ALS2: variants seen among roughly 807,000 people sequenced by gnomAD.
ALS2 encodes the protein alsin Rho guanine nucleotide exchange factor ALS2.
Under a neutral mutation model 203.4 loss-of-function variants are expected in ALS2, and 117 were observed. That is an observed-to-expected ratio of 0.58 (90% CI 0.50 to 0.67). ALS2 has a LOEUF of 0.67. ALS2 is among the 30% of genes least tolerant of loss of function. ALS2 has a pLI of 0.00. For synonymous variants in ALS2, 718 were observed against 725.9 expected (o/e 0.99, Z 0.17); for missense variants, 1,715 against 1,989.4 (o/e 0.86, Z 2.62).
chr2:201,710,020 G>A lies in ALS2; in HGVS notation c.4141C>T (p.His1381Tyr), dbSNP rs1574665478. The stretch of plus-strand genomic sequence containing the variant: ...GTCTCCACAAGCCTGCCCAGGGGGT[G>A]CAGAGGAGTGTCACAGGCCTGAGTA... ...YLIKACDTPLHPLGRLVETLV... is the reference protein window; with the variant it reads ...YLIKACDTPLYPLGRLVETLV... The change falls in exon 27 of 34, where the codon CAC becomes TAC. Residue 1381 changes from histidine (H) to tyrosine (Y), a missense_variant. Physicochemically the swap from His to Tyr is moderately conservative, Grantham distance 83 (BLOSUM62 2). This residue lies in a region of ALS2 where 1,227 missense variants were observed against 1,413.5 expected (regional missense o/e 0.87). Coordinates refer to ENST00000264276, the MANE Select transcript of ALS2 (RefSeq NM_020919.4). The A allele has an allele frequency of 6.2e-7, 1 of 1,613,908 alleles. No homozygotes were observed. The highest frequency in any genetic ancestry group is 8.5e-7 in the Non-Finnish European group (1 of 1,179,826).
rs3219156 is a variant in ALS2, at chr2:201,760,892, C to T, written c.1102G>A (p.Val368Met). Residue 368 changes from valine to methionine, a missense_variant, in exon 4 of 34, where the codon GTG (valine) becomes ATG (methionine). This residue lies in a region of ALS2 where 476 missense variants were observed against 539.3 expected (regional missense o/e 0.88). Coordinates refer to ENST00000264276, the MANE Select transcript of ALS2 (RefSeq NM_020919.4). ...REDSEHGEKP[V>M]PSQPLLEEAI... ...AATTGAGCAGGTACCTGAGATGGCACTGGCTTTTCACCATGCTCTGAGTCC... is the reference window on the plus strand; with the variant it reads ...AATTGAGCAGGTACCTGAGATGGCATTGGCTTTTCACCATGCTCTGAGTCC... The T allele has an allele frequency of 0.9, 1,454,645 of 1,612,470 alleles. 657,112 individuals carry two copies. Among genetic ancestry groups the T allele is most frequent in the East Asian group, 1 (44,827 of 44,848 alleles).
At chr2:201,750,015 A>C (rs1226186696) in intron 7 of ALS2, among the ~76,000 whole-genome samples, 1 of 152,128 alleles carries the variant, frequency 6.6e-6, no homozygotes, top group East Asian at 1.9e-4. Flanking sequence ...AGAGTCCAAA[A>C]ATTAGCTGGG....
chr2:201,771,042 ATTTT>A (rs34578117), intron 1 of ALS2, among the ~76,000 whole-genome samples: 39 of 104,414 alleles, frequency 3.7e-4, no homozygotes, highest in African/African-American at 9.2e-4. Flanking sequence ...GTATTTACAG[ATTTT>A]TTTTTTTTTT....
At position 201,735,835 on chromosome 2, in the gene ALS2, C is replaced by G. The variant is rs184007608; in HGVS notation, c.2418-2397G>C. Among the ~76,000 whole-genome samples the G allele has an allele frequency of 1.1e-3, 174 of 152,300 alleles. 2 individuals are homozygous for G. Among genetic ancestry groups the G allele is most frequent in the South Asian group, 8.7e-3 (42 of 4,826 alleles). ...TGTAGCCCTTCAGGAAGCCCAGAAGCTTTCCATTTAAACTGTCACAAGTCT... is the reference window on the plus strand; with the variant it reads ...TGTAGCCCTTCAGGAAGCCCAGAAGGTTTCCATTTAAACTGTCACAAGTCT... On this transcript the variant is annotated intron_variant, in intron 12 of 33. Coordinates refer to ENST00000264276, the MANE Select transcript of ALS2 (RefSeq NM_020919.4).
chr2:201,774,611 G>A (rs1694571759), intron 1 of ALS2, among the ~76,000 whole-genome samples: 1 of 152,130 alleles, frequency 6.6e-6, no homozygotes, highest in African/African-American at 2.4e-5. Flanking sequence ...AATCATGCAG[G>A]ATCCTATGTA....
rs145920986 is a variant in ALS2 at position 201,702,145 on chromosome 2, C to T, written c.4936-256G>A. ...TTCTAAAACAAAGTTTTTTTACAAG[C>T]TAGCTAATATTCTTCACATGCAGAG... On this transcript the variant is annotated intron_variant, in intron 33 of 33. Transcript: ENST00000264276. 6.0e-5 allele frequency among the ~76,000 whole-genome samples: 9 copies of T among 150,894 alleles called. No individual in the cohort carries two copies. The East Asian group carries it at 1.7e-3, about 29-fold the overall frequency.
rs1363189220 is a variant in ALS2 at position 201,744,245 on chromosome 2, G to A, written c.2170+13C>T. 4 of 1,611,242 alleles carry A rather than the reference G, an allele frequency of 2.5e-6. No individual in the cohort carries two copies. The highest frequency in any genetic ancestry group is 8.5e-7 in the Non-Finnish European group (1 of 1,177,608). ...GATGGTTTAATGGTGGGAGAGAGGG[G>A]GTTGCAACTTACCTAAACTGAGAAG... On this transcript the variant is annotated intron_variant, in intron 10 of 33. Coordinates refer to ENST00000264276, the MANE Select transcript of ALS2 (RefSeq NM_020919.4).
chr2:201,764,811 G>A (rs1307236584), intron 3 of ALS2, among the ~76,000 whole-genome samples: 6 of 152,092 alleles, frequency 3.9e-5, no homozygotes, highest in East Asian at 1.9e-4. Context: ...CTGGAGGTCC[G>A]TATGCAATTT....
At chr2:201,744,707 TACATAACTATACACACCTACTTTCAA>T (rs1178731066) in intron 9 of ALS2, among the ~76,000 whole-genome samples, 1 of 151,662 alleles carries the variant, frequency 6.6e-6, no homozygotes, top group African/African-American at 2.4e-5. Context: ...TCCAGATCTA[TACATAACTATACACACCTACTTTCAA>T]TTATCTCCAA....
chr2:201,749,712 C>T lies in ALS2; in HGVS notation c.1815G>A (p.Lys605=), dbSNP rs1381957437. ...GTTGCTATCAAGTTCACAAAAGTAC[C>T]TTTGCAAGACGAGGAACTGTTGTTG... ...DFPTTVPRLA[K]ISSENGVWSI... The change falls in exon 8 of 34, where the codon AAG becomes AAA. Residue 605 remains lysine (K), a splice_region_variant and synonymous_variant. Transcript: ENST00000264276. 2 of 1,613,206 alleles carry T rather than the reference C, an allele frequency of 1.2e-6. No individual in the cohort carries two copies. Among genetic ancestry groups the T allele is most frequent in the Non-Finnish European group, 1.7e-6 (2 of 1,179,340 alleles).
chr2:201,772,503 C>T (rs115155942), intron 1 of ALS2, among the ~76,000 whole-genome samples: 5,089 of 152,234 alleles, frequency 0.033, 96 homozygotes, highest in African/African-American at 0.052. Flanking sequence ...ACTTTTATCC[C>T]TTTAGTGTGA....
chr2:201,749,745 G>C lies in ALS2; in HGVS notation c.1782C>G (p.Ser594=). The C allele has an allele frequency of 6.2e-7, 1 of 1,613,986 alleles. No homozygotes were observed. The highest frequency in any genetic ancestry group is 1.7e-4 in the Middle Eastern group (1 of 6,058). Residue 594 remains serine (S), a synonymous_variant, in exon 8 of 34, where the codon TCC becomes TCG. Transcript: ENST00000264276. ...GSNTFGQLGH[S]DFPTTVPRLA... ...GACGAGGAACTGTTGTTGGAAAATC[G>C]GAATGCCCAAGTTGACCAAAGGTAT...
At chr2:201,732,826 T>C (rs1389517801) in intron 13 of ALS2, among the ~76,000 whole-genome samples, 1 of 152,208 alleles carries the variant, frequency 6.6e-6, no homozygotes, top group East Asian at 1.9e-4. Flanking sequence ...CTGATTCCTC[T>C]CAGCATTTGC....
At chr2:201,717,498 A>ACT (rs1366377733) in intron 24 of ALS2, among the ~76,000 whole-genome samples, 1 of 150,536 alleles carries the variant, frequency 6.6e-6, no homozygotes, top group Non-Finnish European at 1.5e-5. Flanking sequence ...AAAAAAGAAC[A>ACT]CTCTCTCACA....
In ALS2 at chr2:201,738,738, T is replaced by C. The variant is rs1692047339; in HGVS notation, c.2352-3A>G. 1.9e-6 allele frequency: 3 copies of C among 1,613,450 alleles called. No individual in the cohort carries two copies. Among genetic ancestry groups the C allele is most frequent in the Non-Finnish European group, 2.5e-6 (3 of 1,179,376 alleles). On this transcript the variant is annotated splice_polypyrimidine_tract_variant and splice_region_variant and intron_variant, in intron 11 of 33. Coordinates refer to ENST00000264276, the MANE Select transcript of ALS2 (RefSeq NM_020919.4). ...AATTTGTAATAGATGTGCAATACCTTGAGCAGAAAAGAAAACACATGTACA... is the reference window on the plus strand; with the variant it reads ...AATTTGTAATAGATGTGCAATACCTCGAGCAGAAAAGAAAACACATGTACA...
chr2:201,758,553 A>G (rs1693542452), intron 4 of ALS2, among the ~76,000 whole-genome samples: 1 of 152,148 alleles, frequency 6.6e-6, no homozygotes, highest in African/African-American at 2.4e-5. Context: ...ATCAGTTGAA[A>G]TTTACTCTAA....
rs371607565 is a variant in ALS2, at chr2:201,753,135, T to C, written c.1737+11A>G. On this transcript the variant is annotated intron_variant, in intron 7 of 33. Coordinates refer to ENST00000264276, the MANE Select transcript of ALS2 (RefSeq NM_020919.4). ...AAAATAAGGTAAAGCATTTAATAGT[T>C]TGCCTCCTACCTGGGATTTCGCAGT... 1 of 1,609,642 alleles carries C rather than the reference T, an allele frequency of 6.2e-7. No individual in the cohort carries two copies. Among genetic ancestry groups the C allele is most frequent in the African/African-American group, 1.3e-5 (1 of 74,824 alleles).
intron 2 of ALS2, among the ~76,000 whole-genome samples, chr2:201,767,728 C>T (rs1057275215): frequency 1.1e-4 from 17 of 151,250 alleles, no homozygotes; most frequent in African/African-American, 4.1e-4. Flanking sequence ...ATCAGCCGGG[C>T]ATGGTGGCGT....
intron 10 of ALS2, 78 bp from the exon 11 acceptor site, chr2:201,741,932 A>T: frequency 7.7e-7 from 1 of 1,306,510 alleles, no homozygotes. Context: ...ATGATTATGA[A>T]TTCCTCTAAG....
Sources: gnomAD v4.1 joint callset for allele counts (sites outside exome capture counted in the v4.1 genomes callset) on GRCh38, gnomAD v4.1.1 for gene constraint, gnomAD v4.1.1 regional missense constraint, MANE v1.5 for transcripts, NCBI Gene and HGNC (gene_info 2026-07-23, HGNC 2026-07-21) for gene names.